Variants in CWF19L2 observed in about 807,000 individuals in gnomAD.
CWF19L2 encodes CWF19-like protein 2.
Under a neutral mutation model 111.7 loss-of-function variants are expected in CWF19L2, and 98 were observed. That is an observed-to-expected ratio of 0.88 (90% CI 0.75 to 1.04). The LOEUF (loss-of-function observed/expected upper bound fraction) is 1.04, where lower values mean the gene tolerates loss of function less well. CWF19L2 is among the 50% of genes least tolerant of loss of function. CWF19L2 has a pLI of 0.00. For synonymous variants in CWF19L2, 351 were observed against 342.9 expected (o/e 1.02, Z -0.26); for missense variants, 1,101 against 1,051.4 (o/e 1.05, Z -0.65).
intron 11 of CWF19L2, among the ~76,000 whole-genome samples, chr11:107,391,364 A>G (rs867673628): frequency 6.6e-6 from 1 of 152,010 alleles, no homozygotes; most frequent in Non-Finnish European, 1.5e-5. Flanking sequence ...TCATCTACAA[A>G]CCCGTAAGCG....
rs1305613444 is a variant in CWF19L2 at position 107,390,154 on chromosome 11, T to C, written c.1792A>G (p.Ser598Gly). 2 of 1,611,820 alleles carry C rather than the reference T, an allele frequency of 1.2e-6. No individual in the cohort carries two copies. The highest frequency in any genetic ancestry group is 1.7e-5 in the Admixed American group (1 of 59,952). The change falls in exon 12 of 18, where the codon AGC (serine) becomes GGC (glycine). Residue 598 changes from serine to glycine, a missense_variant. Ser to Gly is a moderately conservative substitution (Grantham distance 56, BLOSUM62 0). Transcript: ENST00000282251. Reference protein sequence around the residue: ...VRYFHDDDNLSLNDLVKNEKM... With the variant: ...VRYFHDDDNLGLNDLVKNEKM... ...TCATTTTTGACTAAATCATTTAGGCTTAGATTATCATCATCATGAAAGTAT... is the reference window on the plus strand; with the variant it reads ...TCATTTTTGACTAAATCATTTAGGCCTAGATTATCATCATCATGAAAGTAT...
At chr11:107,386,617 A>AAC (rs1860770114) in intron 12 of CWF19L2, among the ~76,000 whole-genome samples, 1 of 152,060 alleles carries the variant, frequency 6.6e-6, no homozygotes, top group South Asian at 2.1e-4. Flanking sequence ...TGTCTCCTGA[A>AAC]ACACCACACC....
chr11:107,373,196 G>C lies in CWF19L2; in HGVS notation c.1872+16878C>G, dbSNP rs113584870. 3.1e-5 allele frequency among the ~76,000 whole-genome samples: 4 copies of C among 128,688 alleles called. 2 individuals carry two copies. In the South Asian group the frequency reaches 1.1e-3, roughly 34 times the overall value. The allele number at this position is 128,688 out of a possible 152,430, so 84.4% of individuals were successfully genotyped here. ...CAAGGCGGCAGCGAGGCTAGGGGAG[G>C]GGCGCCTGCCATTGCCCAGGCTTGC... is the stretch of plus-strand genomic sequence containing the variant. On this transcript the variant is annotated intron_variant, in intron 12 of 17. Coordinates refer to ENST00000282251, the MANE Select transcript of CWF19L2 (RefSeq NM_152434.3).
chr11:107,326,840 G>T lies in CWF19L2; in HGVS notation c.*70C>A. 2 of 1,350,024 alleles carry T rather than the reference G, an allele frequency of 1.5e-6. No individual in the cohort carries two copies. The highest frequency in any genetic ancestry group is 2.0e-6 in the Non-Finnish European group (2 of 990,532). 83.6% of individuals were successfully genotyped at this position (1,350,024 alleles called of 1,614,324 possible). On this transcript the variant is annotated 3_prime_UTR_variant, in exon 18 of 18. Transcript: ENST00000282251. Reference sequence around the variant, plus strand: ...TCTGCCTGTGACCTGAGGGTCAGTTGCTTCATTAGATGCAATGGAAATAAA... The same window carrying T: ...TCTGCCTGTGACCTGAGGGTCAGTTTCTTCATTAGATGCAATGGAAATAAA...
At chr11:107,453,698 G>C (rs1861812800) in intron 3 of CWF19L2, among the ~76,000 whole-genome samples, 1 of 151,760 alleles carries the variant, frequency 6.6e-6, no homozygotes, top group Non-Finnish European at 1.5e-5. Flanking sequence ...CTCAGCCACA[G>C]GGTGGTAGAA....
chr11:107,374,102 A>C lies in CWF19L2; in HGVS notation c.1872+15972T>G, dbSNP rs1860558584. ...ATAAAAAGAAATGAGCAAAGCCTCCAAGAAATATGGGACTATGTGAAAAGA... is the reference window on the plus strand; with the variant it reads ...ATAAAAAGAAATGAGCAAAGCCTCCCAGAAATATGGGACTATGTGAAAAGA... On this transcript the variant is annotated intron_variant, in intron 12 of 17. Coordinates refer to ENST00000282251, the MANE Select transcript of CWF19L2 (RefSeq NM_152434.3). Among the ~76,000 whole-genome samples the C allele has an allele frequency of 2.9e-5, 4 of 136,390 alleles. 1 individual carries two copies. The South Asian group carries it at 1.0e-3, about 34-fold the overall frequency. The allele number at this position is 136,390 out of a possible 152,430, so 89.5% of individuals were successfully genotyped here.
In CWF19L2 at chr11:107,413,305, A is replaced by C. The variant is rs112993625; in HGVS notation, c.1617+2904T>G. 4.3e-3 allele frequency among the ~76,000 whole-genome samples: 657 copies of C among 152,316 alleles called. 3 individuals carry two copies. Among genetic ancestry groups the C allele is most frequent in the African/African-American group, 0.014 (597 of 41,554 alleles). ...CACTGCTCTAAAAAATAAAATCTTA[A>C]AAAGAAAAGTCTTTGAGGTTTCAAA... On this transcript the variant is annotated intron_variant, in intron 10 of 17. Coordinates refer to ENST00000282251, the MANE Select transcript of CWF19L2 (RefSeq NM_152434.3).
intron 14 of CWF19L2, among the ~76,000 whole-genome samples, chr11:107,344,682 T>A (rs1860052423): frequency 6.6e-6 from 1 of 152,222 alleles, no homozygotes; most frequent in South Asian, 2.1e-4. Context: ...CTTTGTCAGA[T>A]AATTAGAACA....
intron 10 of CWF19L2, among the ~76,000 whole-genome samples, chr11:107,394,541 C>T (rs1191204551): frequency 6.6e-6 from 1 of 152,188 alleles, no homozygotes; most frequent in African/African-American, 2.4e-5. Flanking sequence ...GTTTTAAACA[C>T]TCTACTCTCT....
chr11:107,449,137 CAAAA>C (rs34294840), intron 3 of CWF19L2, among the ~76,000 whole-genome samples: 2 of 85,828 alleles, frequency 2.3e-5, no homozygotes, highest in African/African-American at 4.1e-5. Context: ...TTTTACAGTG[CAAAA>C]AAAAAAAAAA....
intron 17 of CWF19L2, among the ~76,000 whole-genome samples, chr11:107,328,053 G>A (rs1859788476): frequency 6.6e-6 from 1 of 151,596 alleles, no homozygotes; most frequent in Non-Finnish European, 1.5e-5. Context: ...CTGGAGCTGT[G>A]GTGGGAGGAA....
intron 12 of CWF19L2, among the ~76,000 whole-genome samples, chr11:107,376,543 G>A (rs1395631224): frequency 6.3e-4 from 39 of 61,648 alleles, no homozygotes; most frequent in African/African-American, 4.1e-3. Flanking sequence ...ATGCAGAAAA[G>A]GCCTTTGACA....
At chr11:107,384,225 G>C (rs1860732800) in intron 12 of CWF19L2, among the ~76,000 whole-genome samples, 1 of 152,160 alleles carries the variant, frequency 6.6e-6, no homozygotes, top group South Asian at 2.1e-4. Flanking sequence ...GAGACATACA[G>C]GTTGAATATC....
chr11:107,378,727 C>G (rs1371897697), intron 12 of CWF19L2, among the ~76,000 whole-genome samples: 4 of 151,878 alleles, frequency 2.6e-5, no homozygotes, highest in African/African-American at 9.7e-5. Flanking sequence ...TGTAACTAAC[C>G]TGCACATTGT....
At chr11:107,411,794 T>C (rs912004215) in intron 10 of CWF19L2, among the ~76,000 whole-genome samples, 2 of 152,190 alleles carry the variant, frequency 1.3e-5, no homozygotes, top group African/African-American at 4.8e-5. Context: ...CTAGAATATA[T>C]GATAATCAAA....
In CWF19L2 at chr11:107,326,833, G is replaced by A. The variant is rs1859767849; in HGVS notation, c.*77C>T. 1 of 1,257,556 alleles carries A rather than the reference G, an allele frequency of 8.0e-7. No individual in the cohort carries two copies. Among genetic ancestry groups the A allele is most frequent in the African/African-American group, 1.5e-5 (1 of 65,460 alleles). The allele number at this position is 1,257,556 out of a possible 1,614,324, so 77.9% of individuals were successfully genotyped here. ...GACTCTCTCTGCCTGTGACCTGAGG[G>A]TCAGTTGCTTCATTAGATGCAATGG... On this transcript the variant is annotated 3_prime_UTR_variant, in exon 18 of 18. Transcript: ENST00000282251.
intron 16 of CWF19L2, among the ~76,000 whole-genome samples, chr11:107,332,344 T>G (rs946727347): frequency 6.6e-6 from 1 of 152,210 alleles, no homozygotes; most frequent in African/African-American, 2.4e-5. Flanking sequence ...TCCTCTGCAT[T>G]GAACACTCAG....
chr11:107,425,634 T>C (rs1353837307), intron 8 of CWF19L2, among the ~76,000 whole-genome samples: 1 of 151,946 alleles, frequency 6.6e-6, no homozygotes, highest in Non-Finnish European at 1.5e-5. Flanking sequence ...ATTCTTGTGC[T>C]GGCAGTGTTC....
At chr11:107,445,032 T>C (rs561918570) in intron 3 of CWF19L2, among the ~76,000 whole-genome samples, 8 of 152,188 alleles carry the variant, frequency 5.3e-5, no homozygotes, top group East Asian at 1.9e-4. Flanking sequence ...TGGGAAGGCA[T>C]TGGGAGAGGC....
Sources: gnomAD v4.1 joint callset for allele counts (sites outside exome capture counted in the v4.1 genomes callset) on GRCh38, gnomAD v4.1.1 for gene constraint, MANE v1.5 for transcripts, NCBI Gene and HGNC (gene_info 2026-07-23, HGNC 2026-07-21) for gene names.